SPIRE1: variants seen among roughly 807,000 people sequenced by gnomAD.
SPIRE1 encodes protein spire homolog 1.
A neutral mutation model predicts 94.1 loss-of-function variants in SPIRE1; 40 were observed. That is an observed-to-expected ratio of 0.43 (90% CI 0.33 to 0.55). The LOEUF is 0.55. Ranked by LOEUF, SPIRE1 falls within the 20% of genes least tolerant of loss-of-function variation. SPIRE1 has a pLI of 0.06. For missense variants in SPIRE1, 838 were observed against 975.2 expected, an observed-to-expected ratio of 0.86 and a Z score of 1.87; for synonymous variants, 376 against 371.7, an observed-to-expected ratio of 1.01 and a Z score of -0.13.
intron 2 of SPIRE1, among the ~76,000 whole-genome samples, chr18:12,556,246 C>T (rs1339468398): frequency 1.3e-5 from 2 of 151,948 alleles, no homozygotes; most frequent in Non-Finnish European, 2.9e-5. Flanking sequence ...AGCTATCTTA[C>T]AGATTCAATA....
Position 12,512,471 on chromosome 18 carries a change from G to T in SPIRE1, c.790C>A (p.Leu264Met). ...GCTCTTACCCAGTCAGCGTTTTTCA[G>T]CTCTTCCAAGTCTGTGCTAGATTCA... The part of the protein sequence containing the change: ...SDESSTDLEE[L>M]KNADWARFWV... The change falls in exon 5 of 17, where the codon CTG becomes ATG. Residue 264 changes from leucine to methionine, a missense_variant. Transcript: ENST00000409402. 6.2e-7 allele frequency: 1 copy of T among 1,611,532 alleles called. No individual in the cohort carries two copies. Among genetic ancestry groups the T allele is most frequent in the Non-Finnish European group, 8.5e-7 (1 of 1,178,270 alleles).
Position 12,496,078 on chromosome 18 carries a change from A to G in SPIRE1, c.997T>C (p.Leu333=), listed in dbSNP as rs1462030486. Reference sequence around the variant, plus strand: ...ATGATTTCATGAGCACTCTTTTTTAACCGAGGGGGAATATCACCATTCACC... The same window carrying G: ...ATGATTTCATGAGCACTCTTTTTTAGCCGAGGGGGAATATCACCATTCACC... The part of the protein sequence containing the change: ...VMVNGDIPPR[L]KKSAHEIILD... Residue 333 remains leucine (L), a synonymous_variant, in exon 7 of 17, where the codon TTA becomes CTA. Coordinates refer to ENST00000409402, the MANE Select transcript of SPIRE1 (RefSeq NM_001128626.2). 1.2e-5 allele frequency: 19 copies of G among 1,613,544 alleles called. No homozygotes were observed. Among genetic ancestry groups the G allele is most frequent in the Non-Finnish European group, 1.6e-5 (19 of 1,179,620 alleles).
chr18:12,525,138 G>A (rs1435583588), intron 4 of SPIRE1, among the ~76,000 whole-genome samples: 7 of 151,376 alleles, frequency 4.6e-5, no homozygotes, highest in Non-Finnish European at 8.9e-5. Context: ...TTAGCCGGGC[G>A]TGGTGGCGGG....
chr18:12,548,715 T>C (rs55914043), intron 2 of SPIRE1, among the ~76,000 whole-genome samples: 22,373 of 151,424 alleles, frequency 0.15, 1,964 homozygotes, highest in African/African-American at 0.23. Flanking sequence ...TGGGCTGAGA[T>C]GATCCTCCCA....
At chr18:12,626,884 A>AT (rs1375522904) in intron 2 of SPIRE1, among the ~76,000 whole-genome samples, 19 of 54,538 alleles carry the variant, frequency 3.5e-4, no homozygotes, top group South Asian at 1.7e-3. Context: ...ATATATATAT[A>AT]TATTTTTTTT....
At chr18:12,589,055 TAATTTTCATAATAGCTGA>T (rs1199596096) in intron 2 of SPIRE1, among the ~76,000 whole-genome samples, 1 of 152,204 alleles carries the variant, frequency 6.6e-6, no homozygotes. Flanking sequence ...AGCTTAAAGG[TAATTTTCATAATAGCTGA>T]CATCTACTGA....
At chr18:12,568,248 C>T (rs1225141914) in intron 2 of SPIRE1, among the ~76,000 whole-genome samples, 4 of 152,370 alleles carry the variant, frequency 2.6e-5, no homozygotes, top group Admixed American at 2.6e-4. Context: ...GACAAATCCA[C>T]TCTTACATGC....
At chr18:12,602,424 G>A (rs1024809160) in intron 2 of SPIRE1, among the ~76,000 whole-genome samples, 2 of 152,154 alleles carry the variant, frequency 1.3e-5, no homozygotes, top group Non-Finnish European at 2.9e-5. Context: ...CTGGCTTAGT[G>A]AGTAGCCAGC....
At chr18:12,479,469 C>T (rs568812769) in intron 10 of SPIRE1, among the ~76,000 whole-genome samples, 42 of 151,954 alleles carry the variant, frequency 2.8e-4, no homozygotes, top group Middle Eastern at 3.2e-3. Flanking sequence ...CTAACATGCC[C>T]GACAAAAATT....
At position 12,572,258 on chromosome 18, in the gene SPIRE1, A is replaced by G. The variant is rs1026810584; in HGVS notation, c.373-25354T>C. On this transcript the variant is annotated intron_variant, in intron 2 of 16. Coordinates refer to ENST00000409402, the MANE Select transcript of SPIRE1 (RefSeq NM_001128626.2). ...TCTAAAGGATATGGGTCTTTATCAA[A>G]TAAAATTAATACAGGCCACTGATGT... is the stretch of plus-strand genomic sequence containing the variant. 2.6e-5 allele frequency among the ~76,000 whole-genome samples: 4 copies of G among 152,326 alleles called. No homozygotes were observed. The East Asian group carries it at 5.8e-4, about 22-fold the overall frequency.
intron 2 of SPIRE1, among the ~76,000 whole-genome samples, chr18:12,604,865 AG>A (rs2036929935): frequency 6.6e-6 from 1 of 152,200 alleles, no homozygotes; most frequent in African/African-American, 2.4e-5. Context: ...TCCACCAAAC[AG>A]ATGGATAAAC....
At chr18:12,514,523 G>T (rs2034138878) in intron 4 of SPIRE1, among the ~76,000 whole-genome samples, 1 of 151,980 alleles carries the variant, frequency 6.6e-6, no homozygotes, top group Admixed American at 6.6e-5. Flanking sequence ...CATAGAATAG[G>T]TGCTTAGTAA....
rs117905057 is a variant in SPIRE1, at chr18:12,576,421, A to G, written c.373-29517T>C. 3.2e-3 allele frequency among the ~76,000 whole-genome samples: 492 copies of G among 151,604 alleles called. 11 individuals are homozygous for G. Among genetic ancestry groups the G allele is most frequent in the East Asian group, 0.021 (109 of 5,102 alleles). ...ACATAGCGAAATCTCGTCTCTAACT[A>G]AAATACGAAAATTAGCCAGGTGTGG... On this transcript the variant is annotated intron_variant, in intron 2 of 16. Transcript: ENST00000409402.
chr18:12,544,686 T>G (rs1451527234), intron 3 of SPIRE1, among the ~76,000 whole-genome samples: 1 of 152,162 alleles, frequency 6.6e-6, no homozygotes, highest in African/African-American at 2.4e-5. Context: ...TATTCATTTT[T>G]CATATAATGA....
intron 3 of SPIRE1, among the ~76,000 whole-genome samples, chr18:12,539,302 G>A (rs1356516241): frequency 6.6e-6 from 1 of 152,130 alleles, no homozygotes; most frequent in African/African-American, 2.4e-5. Flanking sequence ...CATGAGATCT[G>A]ATGGTTTTAT....
chr18:12,625,189 C>A (rs1332997652), intron 2 of SPIRE1, among the ~76,000 whole-genome samples: 1 of 152,144 alleles, frequency 6.6e-6, no homozygotes, highest in Non-Finnish European at 1.5e-5. Context: ...TCTGCCAAGA[C>A]CTCTATTAAA....
At chr18:12,494,873 A>T (rs1409272474) in intron 7 of SPIRE1, among the ~76,000 whole-genome samples, 1 of 140,146 alleles carries the variant, frequency 7.1e-6, no homozygotes, top group Non-Finnish European at 1.5e-5. Flanking sequence ...AAAAAAACAA[A>T]CCCATCTCTA....
intron 2 of SPIRE1, among the ~76,000 whole-genome samples, chr18:12,601,381 C>T (rs1008837456): frequency 4.6e-5 from 7 of 152,048 alleles, no homozygotes; most frequent in African/African-American, 1.7e-4. Context: ...CGAGATCACA[C>T]CACTGCACTC....
chr18:12,520,399 C>A (rs1394935839), intron 4 of SPIRE1, among the ~76,000 whole-genome samples: 2 of 152,238 alleles, frequency 1.3e-5, no homozygotes, highest in African/African-American at 4.8e-5. Flanking sequence ...GCTGCAGGAT[C>A]TGAAAGGTGG....
Sources: gnomAD v4.1 joint callset for allele counts (sites outside exome capture counted in the v4.1 genomes callset) on GRCh38, gnomAD v4.1.1 for gene constraint, MANE v1.5 for transcripts, NCBI Gene and HGNC (gene_info 2026-07-23, HGNC 2026-07-21) for gene names.